The following ST18 variants were observed in gnomAD, a reference collection of about 807,000 sequenced individuals.
The protein encoded by ST18 is ST18 C2H2C-type zinc finger transcription factor, also known as suppression of tumorigenicity 18 protein.
In ST18, 50 loss-of-function variants were observed where a neutral mutation model predicts 110.0. That is an observed-to-expected ratio of 0.45 (90% CI 0.36 to 0.58). ST18 has a LOEUF of 0.58. ST18 is among the 20% of genes least tolerant of loss of function. ST18 has a pLI of 0.00. For missense variants in ST18, 1,306 were observed against 1,280.1 expected (o/e 1.02, Z -0.31); for synonymous variants, 461 against 452.4 (o/e 1.02, Z -0.24).
chr8:52,387,065 T>C (rs1325024316), intron 2 of ST18, among the ~76,000 whole-genome samples: 1 of 152,180 alleles, frequency 6.6e-6, no homozygotes, highest in Non-Finnish European at 1.5e-5. Context: ...AATTTACAGA[T>C]AATTTCTTCC....
At chr8:52,137,987 G>A (rs2053176631) in intron 17 of ST18, among the ~76,000 whole-genome samples, 1 of 151,116 alleles carries the variant, frequency 6.6e-6, no homozygotes, top group Non-Finnish European at 1.5e-5. Context: ...TGTAATCCCA[G>A]CTACTCGGAG....
At chr8:52,163,917 G>C in intron 13 of ST18, 69 bp downstream of exon 13, 1 of 1,256,714 alleles carries the variant, frequency 8.0e-7, no homozygotes, top group Non-Finnish European at 1.1e-6. Flanking sequence ...GACTCATGAA[G>C]GACCAGAGGC....
intron 2 of ST18, among the ~76,000 whole-genome samples, chr8:52,389,204 G>C (rs1353170785): frequency 6.6e-6 from 1 of 152,146 alleles, no homozygotes; most frequent in Non-Finnish European, 1.5e-5. Flanking sequence ...CGAGCGCGGA[G>C]GGCTCCAGCA....
At chr8:52,241,075 C>G (rs1564267603) in intron 2 of ST18, among the ~76,000 whole-genome samples, 2 of 152,210 alleles carry the variant, frequency 1.3e-5, no homozygotes, top group Admixed American at 6.5e-5. Context: ...AAACCAGAAG[C>G]CTGTCATTTA....
intron 2 of ST18, among the ~76,000 whole-genome samples, chr8:52,291,923 G>A (rs941180620): frequency 2.0e-5 from 3 of 152,044 alleles, no homozygotes; most frequent in Admixed American, 6.6e-5. Flanking sequence ...CCACAGGCGC[G>A]TGCCATCACA....
At chr8:52,402,309 C>A (rs1843033207) in intron 2 of ST18, among the ~76,000 whole-genome samples, 1 of 152,118 alleles carries the variant, frequency 6.6e-6, no homozygotes, top group South Asian at 2.1e-4. Context: ...GAACTGGGGT[C>A]CTGGGCTCAG....
intron 2 of ST18, among the ~76,000 whole-genome samples, chr8:52,235,206 G>T (rs911699146): frequency 1.3e-5 from 2 of 152,136 alleles, no homozygotes; most frequent in Admixed American, 6.6e-5. Context: ...AAAAAAGAAT[G>T]CTCCTTAAAG....
At chr8:52,387,971 G>A (rs1245134592) in intron 2 of ST18, among the ~76,000 whole-genome samples, 2 of 66,536 alleles carry the variant, frequency 3.0e-5, no homozygotes, top group South Asian at 6.5e-4. Flanking sequence ...CCCGCCCCAC[G>A]CCGGGCACTA....
intron 19 of ST18, 86 bp from the exon 20 acceptor site, chr8:52,133,387 A>G: frequency 6.8e-7 from 1 of 1,470,182 alleles, no homozygotes; most frequent in Non-Finnish European, 9.5e-7. Flanking sequence ...GTTCTTCAGT[A>G]ATCACATTAA....
intron 2 of ST18, among the ~76,000 whole-genome samples, chr8:52,389,829 A>T: frequency 6.6e-6 from 1 of 152,222 alleles, no homozygotes; most frequent in Non-Finnish European, 1.5e-5. Flanking sequence ...CGATGCCAGG[A>T]ACCAGAGACC....
chr8:52,261,242 T>C (rs947158564), intron 2 of ST18, among the ~76,000 whole-genome samples: 4 of 152,188 alleles, frequency 2.6e-5, no homozygotes, highest in Non-Finnish European at 5.9e-5. Flanking sequence ...TTTCTTACAC[T>C]TTGCTGAACA....
Position 52,132,041 on chromosome 8 carries a change from C to T in ST18, c.2583G>A (p.Leu861=). 1.2e-6 allele frequency: 2 copies of T among 1,614,210 alleles called. No individual in the cohort carries two copies. The highest frequency in any genetic ancestry group is 2.7e-5 in the African/African-American group (2 of 75,054). ...GACAATGTGGTAGCTCTTGTTTGTT[C>T]AGTTTCCAGGAGAGGGAGGCTCCAT... is the stretch of plus-strand genomic sequence containing the variant. ...PLNGASLSWK[L]NKQELPHCPL... The change falls in exon 22 of 26, where the codon CTG becomes CTA. Residue 861 remains leucine (L), a synonymous_variant. Coordinates refer to ENST00000689386, the MANE Select transcript of ST18 (RefSeq NM_001352837.2).
chr8:52,127,625 T>C (rs1320656819), intron 22 of ST18, among the ~76,000 whole-genome samples: 2 of 152,302 alleles, frequency 1.3e-5, no homozygotes, highest in East Asian at 3.9e-4. Context: ...GCAGACAACA[T>C]GCCAGAGAAC....
chr8:52,214,329 A>G lies in ST18; in HGVS notation c.1-72T>C, dbSNP rs544670234. 8.0e-5 allele frequency: 121 copies of G among 1,517,358 alleles called. No individual in the cohort carries two copies. The African/African-American group carries it at 1.5e-3, about 19-fold the overall frequency. The allele number at this position is 1,517,358 out of a possible 1,614,324, so 94.0% of individuals were successfully genotyped here. A position where few individuals can be genotyped will look rare whatever the true frequency, so the allele number is the denominator to read the frequency against. Reference sequence around the variant, plus strand: ...CAAAATATGAAAACATGTAATTAGAAGTTCTGAAGGTCATTATGAAAAACA... The same window carrying G: ...CAAAATATGAAAACATGTAATTAGAGGTTCTGAAGGTCATTATGAAAAACA... On this transcript the variant is annotated intron_variant, in intron 6 of 25. Transcript: ENST00000689386.
At chr8:52,218,055 G>A (rs1231204153) in intron 5 of ST18, among the ~76,000 whole-genome samples, 154 bp from the exon 6 acceptor site, 1 of 151,858 alleles carries the variant, frequency 6.6e-6, no homozygotes, top group Non-Finnish European at 1.5e-5. Flanking sequence ...TAACCTAATG[G>A]CAAATAAAAC....
At chr8:52,329,119 G>A (rs1807891848) in intron 2 of ST18, among the ~76,000 whole-genome samples, 1 of 152,002 alleles carries the variant, frequency 6.6e-6, no homozygotes, top group Non-Finnish European at 1.5e-5. Context: ...AATCTTTTTA[G>A]AGGAATGCTG....
At chr8:52,287,303 G>A (rs556896041) in intron 2 of ST18, among the ~76,000 whole-genome samples, 1 of 152,300 alleles carries the variant, frequency 6.6e-6, no homozygotes, top group African/African-American at 2.4e-5. Context: ...AGTATGCTAA[G>A]ATTATGATAA....
chr8:52,323,570 G>C (rs542417152), intron 2 of ST18, among the ~76,000 whole-genome samples: 52 of 152,312 alleles, frequency 3.4e-4, no homozygotes, highest in African/African-American at 1.2e-3. Context: ...GCCACAGTGA[G>C]AACTAGAGAG....
At position 52,171,929 on chromosome 8, in the gene ST18, G is replaced by A; in HGVS notation, c.932C>T (p.Ala311Val). The change falls in exon 10 of 26, where the codon GCT becomes GTT. Residue 311 changes from alanine to valine, a missense_variant. By Grantham distance (64) the Ala-to-Val change is moderately conservative. Transcript: ENST00000689386. ...AACACAACCTCGCTCAGCCTGCAGA[G>A]CAATTGCCTGCTCCAGCAAACTTAA... ...GNLSLLEQAIALQAERGCVFH... is the reference protein window; with the variant it reads ...GNLSLLEQAIVLQAERGCVFH... 4.3e-6 allele frequency: 7 copies of A among 1,614,180 alleles called. No homozygotes were observed. Among genetic ancestry groups the A allele is most frequent in the Non-Finnish European group, 5.9e-6 (7 of 1,180,028 alleles).
Sources: allele counts gnomAD v4.1 joint callset (sites outside exome capture counted in the v4.1 genomes callset), GRCh38; gene constraint gnomAD v4.1.1; transcripts MANE v1.5; gene names NCBI Gene and HGNC (gene_info 2026-07-23, HGNC 2026-07-21).